MASTL: variants seen among roughly 807,000 people sequenced by gnomAD.
MASTL encodes serine/threonine-protein kinase greatwall.
Under a neutral mutation model 82.5 loss-of-function variants are expected in MASTL, and 54 were observed. The observed-to-expected ratio is 0.65, with a 90% CI of 0.53 to 0.82. The LOEUF (loss-of-function observed/expected upper bound fraction) is 0.82. MASTL is among the 40% of genes least tolerant of loss of function. MASTL has a pLI of 0.00. For synonymous variants in MASTL, 323 were observed against 368.9 expected (o/e 0.88, Z 1.43); for missense variants, 950 against 1,047.8 (o/e 0.91, Z 1.29).
chr10:27,155,256 A>G (rs758397665), upstream of MASTL: 4 of 664,722 alleles, frequency 6.0e-6, no homozygotes, highest in Admixed American at 5.9e-5. Flanking sequence ...GGCTTTCCCG[A>G]CGCCCCCTCC....
chr10:27,154,572 GT>G (rs755262244), upstream of MASTL: 18,319 of 314,410 alleles, frequency 0.058, no homozygotes, highest in Middle Eastern at 0.081. Flanking sequence ...CTTTTTCTTC[GT>G]TTTTTTTTTT....
chr10:27,178,120 T>C (rs562660678), intron 9 of MASTL, among the ~76,000 whole-genome samples: 1 of 152,258 alleles, frequency 6.6e-6, no homozygotes, highest in African/African-American at 2.4e-5. Context: ...GGCTGGGCAC[T>C]GTGGCTCACG....
Position 27,181,044 on chromosome 10 carries a change from A to T in MASTL, c.2358A>T (p.Val786=). 1 of 1,600,124 alleles carries T rather than the reference A, an allele frequency of 6.2e-7. No homozygotes were observed. Among genetic ancestry groups the T allele is most frequent in the East Asian group, 2.2e-5 (1 of 44,820 alleles). ...TCAATGATGAAACACCACAACAAGTATTCCAGAATATTCTGAAAAGAGGTG... is the reference window on the plus strand; with the variant it reads ...TCAATGATGAAACACCACAACAAGTTTTCCAGAATATTCTGAAAAGAGGTG... The part of the protein sequence containing the change: ...PPFNDETPQQ[V]FQNILKRDIP... Residue 786 remains valine (V), a synonymous_variant, in exon 10 of 12, where the codon GTA becomes GTT. Coordinates refer to ENST00000375940, the MANE Select transcript of MASTL (RefSeq NM_001172303.3).
chr10:27,173,393 T>A, intron 9 of MASTL, 134 bp downstream of exon 9: 1 of 950,800 alleles, frequency 1.1e-6, no homozygotes, highest in East Asian at 2.5e-5. Flanking sequence ...AGTATATATA[T>A]GGCATTTGTC....
chr10:27,172,019 G>A (rs1475507783), intron 8 of MASTL, among the ~76,000 whole-genome samples: 2 of 151,218 alleles, frequency 1.3e-5, no homozygotes, highest in Admixed American at 6.6e-5. Context: ...AGTAGAGATG[G>A]GGTTTCACCA....
intron 9 of MASTL, among the ~76,000 whole-genome samples, chr10:27,178,673 ATT>A (rs558936982): frequency 2.8e-4 from 40 of 143,090 alleles, no homozygotes; most frequent in African/African-American, 4.8e-4. Context: ...GAAATCATGT[ATT>A]TTTTTTTTTT....
upstream of MASTL, chr10:27,155,216 C>A: frequency 1.7e-6 from 1 of 594,020 alleles, no homozygotes; most frequent in Non-Finnish European, 3.0e-6. Context: ...GCGGTCGCCG[C>A]CCACGAAGAG....
chr10:27,186,326 A>G, intron 11 of MASTL, 53 bp from the exon 12 acceptor site: 1 of 1,487,286 alleles, frequency 6.7e-7, no homozygotes, highest in Non-Finnish European at 9.4e-7. Flanking sequence ...CCTGTAAAGC[A>G]GTACTTACTT....
intron 9 of MASTL, among the ~76,000 whole-genome samples, chr10:27,178,383 G>A (rs1212480219): frequency 7.5e-5 from 9 of 120,692 alleles, no homozygotes; most frequent in African/African-American, 1.9e-4. Flanking sequence ...GTGACAGAGC[G>A]AGACTCCATC....
chr10:27,173,181 G>T lies in MASTL; in HGVS notation c.2188G>T (p.Val730Leu), dbSNP rs2058005386. Residue 730 changes from valine (V) to leucine (L), a missense_variant, in exon 9 of 12, where the codon GTG (valine) becomes TTG (leucine). By Grantham distance (32) the Val-to-Leu change is conservative (BLOSUM62 1). Coordinates refer to ENST00000375940, the MANE Select transcript of MASTL (RefSeq NM_001172303.3). ...YRTPKSVRRG[V>L]APVDDGRILG... ...AACTCCGAAGAGTGTGAGAAGAGGG[G>T]TGGCCCCCGTTGATGATGGGCGAAT... 1 of 1,614,162 alleles carries T rather than the reference G, an allele frequency of 6.2e-7. No homozygotes were observed. Among genetic ancestry groups the T allele is most frequent in the African/African-American group, 1.3e-5 (1 of 75,036 alleles).
At chr10:27,182,061 C>T (rs1198243114) in intron 11 of MASTL, among the ~76,000 whole-genome samples, 2 of 139,380 alleles carry the variant, frequency 1.4e-5, no homozygotes, top group Non-Finnish European at 3.1e-5. Context: ...GGCAACAGAG[C>T]GAGACTCCCT....
At position 27,170,636 on chromosome 10, in the gene MASTL, T is replaced by C. The variant is rs1170773250; in HGVS notation, c.1677T>C (p.Asp559=). 1 of 1,607,936 alleles carries C rather than the reference T, an allele frequency of 6.2e-7. No individual in the cohort carries two copies. Among genetic ancestry groups the C allele is most frequent in the Non-Finnish European group, 8.5e-7 (1 of 1,178,096 alleles). ...CTAGTTTTCTATGTTCTGATGATGA[T>C]AGAGCTTCTAAAAATATTTCTATGA... ...LSSSFLCSDD[D]RASKNISMNS... Residue 559 remains aspartate, a synonymous_variant, in exon 8 of 12, where the codon GAT becomes GAC. Transcript: ENST00000375940.
At chr10:27,174,605 T>C (rs2058047026) in intron 9 of MASTL, among the ~76,000 whole-genome samples, 1 of 152,158 alleles carries the variant, frequency 6.6e-6, no homozygotes. Flanking sequence ...AATCCTTCTT[T>C]GCCTCTTCCT....
chr10:27,158,833 T>A (rs2057478122), intron 2 of MASTL, 147 bp downstream of exon 2: 2 of 805,192 alleles, frequency 2.5e-6, no homozygotes, highest in Non-Finnish European at 4.2e-6. Context: ...GTTATATTAG[T>A]TAGAGTTCTC....
rs1379798710 is a variant in MASTL at position 27,158,658 on chromosome 10, C to T, written c.296C>T (p.Ser99Leu). The T allele has an allele frequency of 6.2e-7, 1 of 1,614,020 alleles. No homozygotes were observed. Among genetic ancestry groups the T allele is most frequent in the Non-Finnish European group, 8.5e-7 (1 of 1,179,912 alleles). The change falls in exon 2 of 12, where the codon TCA becomes TTA. Residue 99 changes from serine (S) to leucine (L), a missense_variant. By Grantham distance (145) the Ser-to-Leu change is moderately radical. Coordinates refer to ENST00000375940, the MANE Select transcript of MASTL (RefSeq NM_001172303.3). The stretch of plus-strand genomic sequence containing the variant: ...CCATTCATTGTCCATTTGTATTATT[C>T]ACTGCAGTCTGCAAACAATGTCTAC... The part of the protein sequence containing the change: ...KSPFIVHLYY[S>L]LQSANNVYLV...
At chr10:27,175,942 CA>C (rs1168124826) in intron 9 of MASTL, among the ~76,000 whole-genome samples, 155 of 152,028 alleles carry the variant, frequency 1.0e-3, no homozygotes, top group Non-Finnish European at 4.6e-4. Flanking sequence ...ACTAAAAATA[CA>C]AAAATTAGCC....
At position 27,173,699 on chromosome 10, in the gene MASTL, G is replaced by T. The variant is rs1036902225; in HGVS notation, c.2266+440G>T. ...AGGTTCAAGTGATTCTCTGGCCTCA[G>T]CCTCCTGAGTAGCTGGGATTACAGG... On this transcript the variant is annotated intron_variant, in intron 9 of 11. Transcript: ENST00000375940. Among the ~76,000 whole-genome samples the T allele has an allele frequency of 1.2e-4, 18 of 152,154 alleles. 1 individual carries two copies. Among genetic ancestry groups the T allele is most frequent in the Admixed American group, 1.1e-3 (17 of 15,272 alleles).
At chr10:27,164,894 T>A (rs968871591) in intron 4 of MASTL, among the ~76,000 whole-genome samples, 170 bp from the exon 5 acceptor site, 4 of 152,106 alleles carry the variant, frequency 2.6e-5, no homozygotes, top group African/African-American at 9.7e-5. Context: ...TGCCTCAGCC[T>A]CCCAAGGTGC....
intron 6 of MASTL, 79 bp from the exon 7 acceptor site, chr10:27,167,023 A>T: frequency 9.0e-6 from 10 of 1,114,198 alleles, no homozygotes; most frequent in Non-Finnish European, 1.4e-5. Flanking sequence ...TACTTTGCTT[A>T]ATTATATGTA....
Sources: gnomAD v4.1 joint callset for allele counts (sites outside exome capture counted in the v4.1 genomes callset) on GRCh38, gnomAD v4.1.1 for gene constraint, MANE v1.5 for transcripts, NCBI Gene and HGNC (gene_info 2026-07-23, HGNC 2026-07-21) for gene names.